Variants in GALNT17 observed in about 807,000 individuals in gnomAD.
The protein encoded by GALNT17 is UDP-GalNAc:polypeptide N-acetylgalactosaminyltransferase-like 3.
A neutral mutation model predicts 63.7 loss-of-function variants in GALNT17; 29 were observed. That is an observed-to-expected ratio of 0.46 (90% CI 0.34 to 0.62). The LOEUF (loss-of-function observed/expected upper bound fraction) is 0.62. Ranked by LOEUF, GALNT17 falls within the 20% of genes least tolerant of loss-of-function variation. The probability of loss-of-function intolerance (pLI) is 0.01; values close to 1 mark genes in which losing one functional copy is unlikely to be tolerated. For synonymous variants in GALNT17, 305 were observed against 318.3 expected (o/e 0.96, Z 0.45); for missense variants, 603 against 799.6 (o/e 0.75, Z 2.97).
At chr7:71,648,707 G>A (rs1000088980) in intron 6 of GALNT17, among the ~76,000 whole-genome samples, 1 of 152,114 alleles carries the variant, frequency 6.6e-6, no homozygotes, top group Non-Finnish European at 1.5e-5. Context: ...AAAACACTGG[G>A]ATTACAGGCA....
In GALNT17 at chr7:71,321,890, C is replaced by CCTTA. The variant is rs1563001032; in HGVS notation, c.239-13657_239-13656insACTT. 3.0e-4 allele frequency among the ~76,000 whole-genome samples: 26 copies of CCTTA among 85,948 alleles called. 1 individual carries two copies. The East Asian group carries it at 7.4e-3, about 24-fold the overall frequency. The allele number at this position is 85,948 out of a possible 152,430, so 56.4% of individuals were successfully genotyped here. On this transcript the variant is annotated intron_variant, in intron 1 of 10. Transcript: ENST00000333538. ...CCTTTCCTTCCTTCCTTCCTTCCTT[C>CCTTA]CTTCCTTCCTTCCTTCCTTCCTTCC...
At chr7:71,273,652 G>A (rs1003276608) in intron 1 of GALNT17, among the ~76,000 whole-genome samples, 4 of 152,178 alleles carry the variant, frequency 2.6e-5, no homozygotes, top group Non-Finnish European at 4.4e-5. Flanking sequence ...ATGAAACAAT[G>A]TTTTTGGAGC....
At chr7:71,564,207 C>T (rs1789300492) in intron 5 of GALNT17, among the ~76,000 whole-genome samples, 1 of 151,976 alleles carries the variant, frequency 6.6e-6, no homozygotes, top group South Asian at 2.1e-4. Flanking sequence ...TCCTTTCCAG[C>T]CTCTGTCAGG....
At chr7:71,314,096 T>G (rs2115959014) in intron 1 of GALNT17, among the ~76,000 whole-genome samples, 1 of 152,360 alleles carries the variant, frequency 6.6e-6, no homozygotes, top group South Asian at 2.1e-4. Context: ...CCCTTCATTC[T>G]TGTAGAGAAC....
chr7:71,366,062 C>T (rs1051096053), intron 2 of GALNT17, among the ~76,000 whole-genome samples: 6 of 152,210 alleles, frequency 3.9e-5, no homozygotes, highest in Middle Eastern at 3.4e-3. Context: ...GCTCAGTTCA[C>T]GATAGGGCTT....
intron 5 of GALNT17, among the ~76,000 whole-genome samples, chr7:71,457,340 T>A (rs537594788): frequency 6.6e-6 from 1 of 152,310 alleles, no homozygotes; most frequent in Admixed American, 6.5e-5. Context: ...GCGTGACTTT[T>A]CCCTTGGCTT....
rs115388792 is a variant in GALNT17, at chr7:71,290,675, G to A, written c.239-44875G>A. On this transcript the variant is annotated intron_variant, in intron 1 of 10. Coordinates refer to ENST00000333538, the MANE Select transcript of GALNT17 (RefSeq NM_022479.3). ...TCGACAAAAGCATCAGTATTGGCTG[G>A]TCCCATCCTGATGTGGATCCTTAGC... 4.4e-3 allele frequency among the ~76,000 whole-genome samples: 673 copies of A among 152,246 alleles called. 4 individuals are homozygous for A. Among genetic ancestry groups the A allele is most frequent in the African/African-American group, 0.016 (649 of 41,538 alleles).
At position 71,710,919 on chromosome 7, in the gene GALNT17, C is replaced by T. The variant is rs755534497; in HGVS notation, c.1659C>T (p.Asn553=). The change falls in exon 10 of 11, where the codon AAC becomes AAT. Residue 553 remains asparagine, a synonymous_variant. Coordinates refer to ENST00000333538, the MANE Select transcript of GALNT17 (RefSeq NM_022479.3). ...AGAGCAGCCTGTACAAGCGCTGGAACTTCATCCAGGTGAGTGCTGTATGGA... is the reference window on the plus strand; with the variant it reads ...AGAGCAGCCTGTACAAGCGCTGGAATTTCATCCAGGTGAGTGCTGTATGGA... ...KVKSSLYKRW[N]FIQNGAIMNK... The T allele has an allele frequency of 2.5e-6, 4 of 1,613,740 alleles. No individual in the cohort carries two copies. Among genetic ancestry groups the T allele is most frequent in the Non-Finnish European group, 3.4e-6 (4 of 1,180,004 alleles).
In GALNT17 at chr7:71,540,611, GT is replaced by G. The variant is rs367581278; in HGVS notation, c.963-30665del. On this transcript the variant is annotated intron_variant, in intron 5 of 10. Coordinates refer to ENST00000333538, the MANE Select transcript of GALNT17 (RefSeq NM_022479.3). The stretch of plus-strand genomic sequence containing the variant: ...CTGATGGACACTAGGGTTTTGTGTT[GT>G]TTTTTTTTCCAACAAATGAAGCAAC... Among the ~76,000 whole-genome samples the G allele has an allele frequency of 5.3e-5, 8 of 150,480 alleles. No homozygotes were observed. The East Asian group carries it at 5.8e-4, about 11-fold the overall frequency.
intron 1 of GALNT17, among the ~76,000 whole-genome samples, chr7:71,170,430 G>T (rs1443978695): frequency 6.6e-6 from 1 of 151,978 alleles, no homozygotes. Context: ...CTGCCTCCCG[G>T]GTTCGAGCGA....
At chr7:71,263,008 T>G (rs2115638515) in intron 1 of GALNT17, among the ~76,000 whole-genome samples, 1 of 151,992 alleles carries the variant, frequency 6.6e-6, no homozygotes, top group East Asian at 1.9e-4. Flanking sequence ...GAAGAGGAAA[T>G]TTGGACACAC....
chr7:71,618,963 G>T (rs1584093854), intron 6 of GALNT17, among the ~76,000 whole-genome samples: 1 of 152,050 alleles, frequency 6.6e-6, no homozygotes, highest in Non-Finnish European at 1.5e-5. Context: ...TTAAATCTTT[G>T]ATCCATCTTG....
At chr7:71,404,292 T>C (rs917111) in intron 3 of GALNT17, among the ~76,000 whole-genome samples, 5,672 of 152,308 alleles carry the variant, frequency 0.037, 176 homozygotes, top group African/African-American at 0.084. Context: ...ATATTTGGTT[T>C]AACACTTTGG....
chr7:71,690,875 T>G (rs1033629753), intron 9 of GALNT17, among the ~76,000 whole-genome samples: 4 of 152,194 alleles, frequency 2.6e-5, no homozygotes, highest in Non-Finnish European at 5.9e-5. Context: ...GAGTTGTTTC[T>G]TCACGGATAA....
At chr7:71,238,688 A>G (rs114760008) in intron 1 of GALNT17, among the ~76,000 whole-genome samples, 2,398 of 152,288 alleles carry the variant, frequency 0.016, 73 homozygotes, top group African/African-American at 0.055. Flanking sequence ...TTAAACACCC[A>G]TTCATACCAC....
intron 1 of GALNT17, among the ~76,000 whole-genome samples, chr7:71,238,910 T>C (rs2867046): frequency 0.71 from 107,849 of 152,072 alleles, 39,631 homozygotes; most frequent in African/African-American, 0.89. Context: ...CCGTCTCTCA[T>C]GTCACTCACC....
chr7:71,497,280 T>C (rs1283029983), intron 5 of GALNT17, among the ~76,000 whole-genome samples: 2 of 152,178 alleles, frequency 1.3e-5, no homozygotes, highest in Non-Finnish European at 2.9e-5. Context: ...TGCCATAGCA[T>C]AGATTAAGTG....
At chr7:71,179,422 C>G (rs1239426418) in intron 1 of GALNT17, among the ~76,000 whole-genome samples, 1 of 152,218 alleles carries the variant, frequency 6.6e-6, no homozygotes, top group Non-Finnish European at 1.5e-5. Context: ...CACATGTCAT[C>G]AGGACCTCCT....
rs576094300 is a variant in GALNT17, at chr7:71,692,414, C to T, written c.1500+15108C>T. 2.3e-4 allele frequency among the ~76,000 whole-genome samples: 35 copies of T among 152,204 alleles called. No homozygotes were observed. In the South Asian group the frequency reaches 3.7e-3, roughly 16 times the overall value. ...TATCACTGAATTAAAAAGGAAACAA[C>T]GTCACTGTTTCTGAAGGACAAGGAG... On this transcript the variant is annotated intron_variant, in intron 9 of 10. Coordinates refer to ENST00000333538, the MANE Select transcript of GALNT17 (RefSeq NM_022479.3).
Sources: allele counts gnomAD v4.1 joint callset (sites outside exome capture counted in the v4.1 genomes callset), GRCh38; gene constraint gnomAD v4.1.1; transcripts MANE v1.5; gene names NCBI Gene and HGNC (gene_info 2026-07-23, HGNC 2026-07-21).